The following DGLUCY variants were observed in gnomAD, a reference collection of about 807,000 sequenced individuals.
DGLUCY encodes the protein D-glutamate cyclase.
DGLUCY carries 58 observed loss-of-function variants against 58.5 expected under a neutral mutation model. The ratio of observed to expected loss-of-function variants is 0.99; its 90% CI spans 0.80 to 1.23. The LOEUF is 1.23. DGLUCY is among the 50% of genes most tolerant of loss of function. The probability of loss-of-function intolerance (pLI) is 0.00; values close to 1 mark genes in which losing one functional copy is unlikely to be tolerated. For synonymous variants in DGLUCY, 325 were observed against 314.1 expected (o/e 1.03, Z -0.37); for missense variants, 779 against 784.7 (o/e 0.99, Z 0.09).
chr14:91,161,229 C>T (rs1264248490), intron 3 of DGLUCY, among the ~76,000 whole-genome samples: 9 of 152,148 alleles, frequency 5.9e-5, no homozygotes, highest in African/African-American at 2.2e-4. Flanking sequence ...CGCCACCATG[C>T]CCAGCTAATT....
chr14:91,188,223 G>A (rs2049642955), intron 8 of DGLUCY, among the ~76,000 whole-genome samples: 1 of 152,156 alleles, frequency 6.6e-6, no homozygotes, highest in South Asian at 2.1e-4. Flanking sequence ...GGTTCTGGCT[G>A]TCAATACTCC....
chr14:91,136,706 C>T (rs747867178), intron 1 of DGLUCY, among the ~76,000 whole-genome samples: 5 of 151,732 alleles, frequency 3.3e-5, no homozygotes, highest in Admixed American at 1.3e-4. Context: ...CGGTGGCTCG[C>T]GCCTGTAATC....
chr14:91,183,876 C>T (rs907339963), intron 8 of DGLUCY, among the ~76,000 whole-genome samples: 1 of 152,100 alleles, frequency 6.6e-6, no homozygotes, highest in African/African-American at 2.4e-5. Flanking sequence ...AGTGCTCTAG[C>T]GACTCCTGGT....
At chr14:91,201,320 G>C (rs2050540492) in intron 11 of DGLUCY, among the ~76,000 whole-genome samples, 1 of 145,292 alleles carries the variant, frequency 6.9e-6, no homozygotes, top group Non-Finnish European at 1.5e-5. Context: ...TTTTTTTTGA[G>C]ATGGAGTCTC....
At chr14:91,077,711 C>T (rs1488024062) in intron 1 of DGLUCY, among the ~76,000 whole-genome samples, 1 of 147,706 alleles carries the variant, frequency 6.8e-6, no homozygotes, top group African/African-American at 2.5e-5. Flanking sequence ...AAGATCTTGC[C>T]GCTGCTCTCC....
chr14:91,123,265 G>A (rs74872611), intron 1 of DGLUCY, among the ~76,000 whole-genome samples: 3,709 of 152,250 alleles, frequency 0.024, 67 homozygotes, highest in South Asian at 0.047. Context: ...TATAAGAGCA[G>A]GATTCCAAGG....
intron 13 of DGLUCY, among the ~76,000 whole-genome samples, chr14:91,224,420 C>T (rs1887931237): frequency 6.6e-6 from 1 of 152,182 alleles, no homozygotes; most frequent in Non-Finnish European, 1.5e-5. Flanking sequence ...TATTTAGTTA[C>T]ATAACAGTAA....
At chr14:91,195,052 CG>C (rs1445917339) in intron 9 of DGLUCY, among the ~76,000 whole-genome samples, 1 of 152,066 alleles carries the variant, frequency 6.6e-6, no homozygotes, top group Non-Finnish European at 1.5e-5. Flanking sequence ...GCTGGCTCTA[CG>C]TGAGGGGTGT....
intron 1 of DGLUCY, among the ~76,000 whole-genome samples, chr14:91,092,225 T>C (rs983389389): frequency 1.3e-5 from 2 of 152,244 alleles, no homozygotes; most frequent in African/African-American, 2.4e-5. Context: ...TGTACTGGCC[T>C]ACGGCTGCTC....
At chr14:91,060,403 GCGC>G in exon 1 of DGLUCY, 1 of 1,507,594 alleles carries the variant, frequency 6.6e-7, no homozygotes, top group African/African-American at 1.4e-5. Context: ...GGTCCCCGCG[GCGC>G]CGCCGCTGCT....
At chr14:91,106,525 A>T (rs888656280), upstream of DGLUCY, among the ~76,000 whole-genome samples, 5 of 150,786 alleles carry the variant, frequency 3.3e-5, no homozygotes, top group African/African-American at 9.8e-5. Flanking sequence ...TGGCCAACAT[A>T]GTGAAACCCC....
At chr14:91,166,186 GTT>G (rs2048271947) in intron 3 of DGLUCY, among the ~76,000 whole-genome samples, 1 of 152,186 alleles carries the variant, frequency 6.6e-6, no homozygotes, top group Non-Finnish European at 1.5e-5. Context: ...CTGGATGCTG[GTT>G]ACATGGGTGC....
intron 1 of DGLUCY, among the ~76,000 whole-genome samples, chr14:91,097,902 C>T (rs1393116889): frequency 6.6e-6 from 1 of 152,198 alleles, no homozygotes; most frequent in Non-Finnish European, 1.5e-5. Context: ...TATGATGTCA[C>T]TTGTATCCAG....
Position 91,224,954 on chromosome 14 carries a change from C to T in DGLUCY, c.*121C>T. On this transcript the variant is annotated 3_prime_UTR_variant, in exon 14 of 14. Transcript: ENST00000256324. Reference sequence around the variant, plus strand: ...ACTGGTCTTCGGTGAGCAACGAACACTCGCCTGGCCTGGGAAACTGCATGC... The same window carrying T: ...ACTGGTCTTCGGTGAGCAACGAACATTCGCCTGGCCTGGGAAACTGCATGC... The T allele has an allele frequency of 8.4e-7, 1 of 1,185,864 alleles. No individual in the cohort carries two copies. The allele number at this position is 1,185,864 out of a possible 1,614,324, so 73.5% of individuals were successfully genotyped here.
chr14:91,085,571 T>G (rs532600174), intron 1 of DGLUCY, among the ~76,000 whole-genome samples: 63 of 151,362 alleles, frequency 4.2e-4, no homozygotes, highest in African/African-American at 1.4e-3. Context: ...TTGTTTTTTT[T>G]TTTTTTTAGT....
chr14:91,158,845 T>G (rs1025916629), intron 2 of DGLUCY: 1 of 152,214 alleles, frequency 6.6e-6, no homozygotes, highest in Non-Finnish European at 1.5e-5. Flanking sequence ...TTTTTTTTTT[T>G]TTTGAGACAG....
intron 2 of DGLUCY, among the ~76,000 whole-genome samples, chr14:91,159,890 G>A (rs985803990): frequency 1.1e-4 from 16 of 152,132 alleles, no homozygotes; most frequent in African/African-American, 2.4e-4. Context: ...CCCTGCCCTC[G>A]AGGCCCTAGG....
At chr14:91,152,926 A>G (rs2047404818) in intron 1 of DGLUCY, among the ~76,000 whole-genome samples, 2 of 152,194 alleles carry the variant, frequency 1.3e-5, no homozygotes, top group South Asian at 4.1e-4. Flanking sequence ...CATGAATATA[A>G]GGTGTTTCCT....
intron 3 of DGLUCY, chr14:91,165,376 G>A (rs901172767): frequency 4.7e-6 from 2 of 427,014 alleles, no homozygotes; most frequent in African/African-American, 4.1e-5. Context: ...TGGGGAAGCT[G>A]AGGCTGAGAC....
Sources: gnomAD v4.1 joint callset for allele counts (sites outside exome capture counted in the v4.1 genomes callset) on GRCh38, gnomAD v4.1.1 for gene constraint, MANE v1.5 for transcripts, NCBI Gene and HGNC (gene_info 2026-07-23, HGNC 2026-07-21) for gene names.